Variants in LOC400499 observed in about 807,000 individuals in gnomAD.
chr16:11,420,080 C>A, the LOC400499 span, among the ~76,000 whole-genome samples: 1 of 148,932 alleles, frequency 6.7e-6, no homozygotes, highest in Non-Finnish European at 1.5e-5. Flanking sequence ...TTGACCCAGC[C>A]ATCCCATTAC....
At chr16:11,451,045 C>T in the LOC400499 span, among the ~76,000 whole-genome samples, 2 of 152,156 alleles carry the variant, frequency 1.3e-5, no homozygotes, top group Admixed American at 6.5e-5. Flanking sequence ...CCAATCGCAC[C>T]ATGGAGATTT....
At chr16:11,479,559 G>C in the LOC400499 span, among the ~76,000 whole-genome samples, 1 of 151,998 alleles carries the variant, frequency 6.6e-6, no homozygotes, top group African/African-American at 2.4e-5. Context: ...GGAGTTCAAG[G>C]CTGTAGCGAG....
At chr16:11,483,804 G>A in the LOC400499 span, among the ~76,000 whole-genome samples, 3 of 151,848 alleles carry the variant, frequency 2.0e-5, no homozygotes, top group African/African-American at 4.8e-5. Flanking sequence ...GAGCCTGGGG[G>A]GCAAAGGTTG....
the LOC400499 span, among the ~76,000 whole-genome samples, chr16:11,433,111 CTT>C: frequency 2.3e-3 from 343 of 152,348 alleles, 3 homozygotes; most frequent in African/African-American, 7.8e-3. Flanking sequence ...CTACGACACT[CTT>C]GTACCGCAAT....
At chr16:11,385,126 G>T in the LOC400499 span, 1 of 1,231,414 alleles carries the variant, frequency 8.1e-7, no homozygotes, top group East Asian at 3.2e-5. Context: ...AAGCTTGAAA[G>T]TGCCATCCCC....
At chr16:11,442,620 G>A in the LOC400499 span, 1 of 152,178 alleles carries the variant, frequency 6.6e-6, no homozygotes, top group Non-Finnish European at 1.5e-5. Flanking sequence ...TGGGATTTGA[G>A]GCTTGGTGTG....
chr16:11,521,469 G>A, the LOC400499 span, among the ~76,000 whole-genome samples: 1 of 152,148 alleles, frequency 6.6e-6, no homozygotes, highest in Admixed American at 6.6e-5. Context: ...TAACACCACT[G>A]GACCTTAGTG....
the LOC400499 span, chr16:11,385,460 C>T: frequency 8.3e-7 from 1 of 1,204,694 alleles, no homozygotes; most frequent in Non-Finnish European, 1.0e-6. Flanking sequence ...GGGCCAGCTC[C>T]ACCCACCGCA....
the LOC400499 span, among the ~76,000 whole-genome samples, chr16:11,465,843 T>A: frequency 7.7e-6 from 1 of 129,598 alleles, no homozygotes; most frequent in African/African-American, 3.0e-5. Flanking sequence ...GGGAAAGACG[T>A]GGGAAGAGGA....
the LOC400499 span, chr16:11,383,536 T>G: frequency 8.6e-7 from 1 of 1,158,368 alleles, no homozygotes; most frequent in East Asian, 3.2e-5. Context: ...GCTCCTTGAA[T>G]GACAATTATT....
chr16:11,485,356 C>G, the LOC400499 span, among the ~76,000 whole-genome samples: 1 of 152,160 alleles, frequency 6.6e-6, no homozygotes, highest in Non-Finnish European at 1.5e-5. Context: ...ACTCCCATGT[C>G]ACTCTCTTCC....
the LOC400499 span, among the ~76,000 whole-genome samples, chr16:11,386,471 G>A: frequency 1.3e-5 from 2 of 152,360 alleles, no homozygotes; most frequent in Non-Finnish European, 2.9e-5. Context: ...CTGCGCCCAC[G>A]CTTCTAGGGA....
the LOC400499 span, chr16:11,446,773 A>G: frequency 6.5e-7 from 1 of 1,535,862 alleles, no homozygotes; most frequent in Non-Finnish European, 8.7e-7. Flanking sequence ...CTGGCAGCCC[A>G]GGACCATGGT....
At chr16:11,424,832 C>CA in the LOC400499 span, among the ~76,000 whole-genome samples, 12 of 152,168 alleles carry the variant, frequency 7.9e-5, no homozygotes, top group Admixed American at 5.2e-4. Flanking sequence ...ATCCACGCTG[C>CA]ACAAGCTGTC....
the LOC400499 span, chr16:11,383,841 G>C: frequency 6.0e-4 from 736 of 1,232,206 alleles, 3 homozygotes; most frequent in African/African-American, 0.01. Flanking sequence ...TAAGCTTGAT[G>C]AGACAAAGGG....
At chr16:11,495,984 G>A in the LOC400499 span, among the ~76,000 whole-genome samples, 69 of 152,234 alleles carry the variant, frequency 4.5e-4, no homozygotes, top group Non-Finnish European at 7.9e-4. Context: ...TGTGAACAGG[G>A]GCCTCTGTGC....
the LOC400499 span, among the ~76,000 whole-genome samples, chr16:11,400,322 T>G: frequency 6.6e-6 from 1 of 152,012 alleles, no homozygotes; most frequent in Non-Finnish European, 1.5e-5. Flanking sequence ...TCCTCCAGCT[T>G]CTCTCAAGCC....
chr16:11,422,163 G>A, the LOC400499 span, among the ~76,000 whole-genome samples: 1 of 152,248 alleles, frequency 6.6e-6, no homozygotes, highest in Non-Finnish European at 1.5e-5. Flanking sequence ...CACTTTGGGA[G>A]GCCGAAACGG....
At chr16:11,372,352 G>A in the LOC400499 span, 2 of 152,288 alleles carry the variant, frequency 1.3e-5, no homozygotes, top group African/African-American at 4.8e-5. Context: ...CGCAGTCAGC[G>A]TTCTGAAGCA....
Sources: allele counts gnomAD v4.1 joint callset (sites outside exome capture counted in the v4.1 genomes callset), GRCh38; gene constraint gnomAD v4.1.1; transcripts MANE v1.5.